The following SBF2 variants were observed in gnomAD, a reference collection of about 807,000 sequenced individuals.
The protein encoded by SBF2 is SET binding factor 2.
Under a neutral mutation model 225.2 loss-of-function variants are expected in SBF2, and 112 were observed. That is an observed-to-expected ratio of 0.50 (90% CI 0.43 to 0.58). SBF2 has a LOEUF of 0.58. Ranked by LOEUF, SBF2 falls within the 20% of genes least tolerant of loss-of-function variation. The probability of loss-of-function intolerance (pLI) is 0.00; values close to 1 mark genes in which losing one functional copy is unlikely to be tolerated. For missense variants in SBF2, 1,996 were observed against 2,206.2 expected (o/e 0.90, Z 1.91); for synonymous variants, 763 against 773.3 (o/e 0.99, Z 0.22).
At chr11:9,948,028 C>T (rs542661752) in intron 16 of SBF2, among the ~76,000 whole-genome samples, 3 of 152,196 alleles carry the variant, frequency 2.0e-5, no homozygotes, top group Middle Eastern at 6.8e-3. Context: ...AAGGTGACAG[C>T]AACCCAAAGT....
At position 9,930,737 on chromosome 11, in the gene SBF2, T is replaced by C. The variant is rs534628465; in HGVS notation, c.1860+31220A>G. 2.6e-4 allele frequency among the ~76,000 whole-genome samples: 40 copies of C among 152,292 alleles called. No homozygotes were observed. The East Asian group carries it at 6.0e-3, about 23-fold the overall frequency. On this transcript the variant is annotated intron_variant, in intron 16 of 39. Transcript: ENST00000256190. ...CAAGTGAGGTACCTGTTTCATCTCA[T>C]TGGGACTGGTTGGACAGTGGGTGCA...
chr11:9,898,066 G>A (rs1282527396), intron 16 of SBF2, among the ~76,000 whole-genome samples: 1 of 152,164 alleles, frequency 6.6e-6, no homozygotes, highest in Non-Finnish European at 1.5e-5. Flanking sequence ...AAAACAGGAG[G>A]AAGAGTCAGA....
chr11:9,829,212 A>C, intron 28 of SBF2, 144 bp downstream of exon 28: 1 of 882,542 alleles, frequency 1.1e-6, no homozygotes, highest in East Asian at 2.4e-5. Context: ...AAAGGAGTTA[A>C]ACTTATAACC....
chr11:9,785,423 T>C, intron 36 of SBF2, 105 bp from the exon 37 acceptor site: 1 of 898,606 alleles, frequency 1.1e-6, no homozygotes, highest in Non-Finnish European at 1.8e-6. Flanking sequence ...ACTGGACTAA[T>C]AAGCAACAAT....
intron 10 of SBF2, 41 bp from the exon 11 acceptor site, chr11:9,993,144 A>T: frequency 6.9e-7 from 1 of 1,441,196 alleles, no homozygotes; most frequent in Non-Finnish European, 9.7e-7. Context: ...TTAACTTTTT[A>T]AAAACAAATG....
chr11:10,295,600 A>T (rs76066683), upstream of SBF2, among the ~76,000 whole-genome samples: 4 of 151,352 alleles, frequency 2.6e-5, no homozygotes, highest in Admixed American at 2.0e-4. Flanking sequence ...AAAAAAAAAA[A>T]CCTCAGTCAT....
chr11:9,895,210 A>G (rs1359159178), intron 17 of SBF2, among the ~76,000 whole-genome samples: 4 of 152,218 alleles, frequency 2.6e-5, no homozygotes, highest in African/African-American at 9.6e-5. Context: ...GCAGTTACCA[A>G]ACTTGTTAAC....
intron 1 of SBF2, among the ~76,000 whole-genome samples, chr11:10,249,124 T>C (rs1483369667): frequency 6.6e-6 from 1 of 151,980 alleles, no homozygotes; most frequent in East Asian, 1.9e-4. Flanking sequence ...AGAAATTCTA[T>C]GTGTGAAAAT....
intron 2 of SBF2, among the ~76,000 whole-genome samples, chr11:10,114,886 A>C (rs1353076380): frequency 1.3e-5 from 2 of 152,156 alleles, no homozygotes; most frequent in Admixed American, 6.5e-5. Flanking sequence ...TAATGCCTGT[A>C]ACCATCAGCA....
At chr11:9,902,089 T>G (rs1861765276) in intron 16 of SBF2, among the ~76,000 whole-genome samples, 1 of 152,154 alleles carries the variant, frequency 6.6e-6, no homozygotes, top group African/African-American at 2.4e-5. Flanking sequence ...GTGGGAGAAA[T>G]CTGCATCTGT....
intron 32 of SBF2, among the ~76,000 whole-genome samples, chr11:9,801,637 T>C (rs1481768550): frequency 1.3e-5 from 2 of 152,236 alleles, no homozygotes; most frequent in African/African-American, 2.4e-5. Flanking sequence ...TTAACAAACA[T>C]TGTGTGCTTT....
intron 2 of SBF2, among the ~76,000 whole-genome samples, chr11:10,080,060 C>T (rs1951297833): frequency 1.3e-5 from 2 of 151,844 alleles, no homozygotes; most frequent in African/African-American, 4.8e-5. Flanking sequence ...CCAGCCTGGC[C>T]AACATGGTGA....
chr11:10,220,925 T>C (rs1958316693), intron 1 of SBF2, among the ~76,000 whole-genome samples: 2 of 152,124 alleles, frequency 1.3e-5, no homozygotes, highest in Non-Finnish European at 2.9e-5. Flanking sequence ...ACATCCTATT[T>C]CTCATAGATA....
chr11:9,795,854 G>A lies in SBF2; in HGVS notation c.4547C>T (p.Ser1516Leu). ...ACCGTGCTCTAATCTTTCATAGTCT[G>A]AATCCAGGAGAAATGTTTTAAAGCG... The part of the protein sequence containing the change: ...SNRFKTFLLD[S>L]DYERLEHGTL... The change falls in exon 33 of 40, where the codon TCA becomes TTA. Residue 1516 changes from serine to leucine, a missense_variant. Physicochemically the swap from Ser to Leu is moderately radical, Grantham distance 145. Transcript: ENST00000256190. 6.2e-7 allele frequency: 1 copy of A among 1,613,772 alleles called. No individual in the cohort carries two copies. Among genetic ancestry groups the A allele is most frequent in the Non-Finnish European group, 8.5e-7 (1 of 1,179,870 alleles).
rs12574585 is a variant in SBF2 at position 9,950,368 on chromosome 11, C to G, written c.1860+11589G>C. ...TTCAAATGTTAGCTCTGATCTCCCC[C>G]CTTCCCAAACTTAACAAATCAGAAC... On this transcript the variant is annotated intron_variant, in intron 16 of 39. Coordinates refer to ENST00000256190, the MANE Select transcript of SBF2 (RefSeq NM_030962.4). 1.4e-3 allele frequency among the ~76,000 whole-genome samples: 208 copies of G among 152,186 alleles called. 4 individuals are homozygous for G. The East Asian group carries it at 0.031, about 23-fold the overall frequency.
chr11:10,190,556 C>T (rs769929017), intron 2 of SBF2, among the ~76,000 whole-genome samples: 4 of 152,184 alleles, frequency 2.6e-5, no homozygotes, highest in Non-Finnish European at 4.4e-5. Flanking sequence ...TCAGCATCCT[C>T]TAAATTAAAT....
At chr11:10,124,132 ATG>A (rs1207439450) in intron 2 of SBF2, among the ~76,000 whole-genome samples, 2 of 152,194 alleles carry the variant, frequency 1.3e-5, no homozygotes, top group Admixed American at 6.5e-5. Context: ...TTCTGGCAAT[ATG>A]TGTTTCTTCA....
chr11:9,858,075 C>T (rs1202476453), intron 18 of SBF2, 151 bp downstream of exon 18: 1 of 810,394 alleles, frequency 1.2e-6, no homozygotes, highest in Non-Finnish European at 2.1e-6. Flanking sequence ...TGTCTGAAAT[C>T]AACAGAGGAA....
intron 16 of SBF2, among the ~76,000 whole-genome samples, chr11:9,914,739 G>A (rs1437770645): frequency 6.6e-6 from 1 of 151,864 alleles, no homozygotes; most frequent in Non-Finnish European, 1.5e-5. Context: ...ACCATCAAGA[G>A]AATGAAAAAA....
Sources: gnomAD v4.1 joint callset for allele counts (sites outside exome capture counted in the v4.1 genomes callset) on GRCh38, gnomAD v4.1.1 for gene constraint, MANE v1.5 for transcripts, NCBI Gene and HGNC (gene_info 2026-07-23, HGNC 2026-07-21) for gene names.